The following MEIS2 variants were observed in gnomAD, a reference collection of about 807,000 sequenced individuals.
The protein encoded by MEIS2 is homeobox protein Meis2.
A neutral mutation model predicts 58.6 loss-of-function variants in MEIS2; 9 were observed. That is an observed-to-expected ratio of 0.15 (90% CI 0.09 to 0.27). MEIS2 has a LOEUF of 0.27. MEIS2 is among the 10% of genes least tolerant of loss of function. MEIS2 has a pLI of 1.00. For missense variants in MEIS2, 427 were observed against 635.0 expected, an observed-to-expected ratio of 0.67 and a Z score of 3.52; for synonymous variants, 221 against 228.4, an observed-to-expected ratio of 0.97 and a Z score of 0.29.
intron 8 of MEIS2, among the ~76,000 whole-genome samples, chr15:37,006,277 C>G (rs186847452): frequency 1.3e-5 from 2 of 152,282 alleles, no homozygotes; most frequent in Admixed American, 6.5e-5. Context: ...AGATAATTAG[C>G]TATAAATAAT....
intron 9 of MEIS2, among the ~76,000 whole-genome samples, chr15:36,948,154 T>C (rs1198304759): frequency 2.0e-5 from 3 of 151,928 alleles, no homozygotes; most frequent in Non-Finnish European, 1.5e-5. Context: ...TGGAATTATT[T>C]TGTAGAGACA....
chr15:36,959,768 A>T (rs2141424596), intron 8 of MEIS2, among the ~76,000 whole-genome samples: 1 of 152,332 alleles, frequency 6.6e-6, no homozygotes, highest in Middle Eastern at 3.4e-3. Context: ...ATGGAAAAGA[A>T]ATAAATGCAT....
chr15:37,037,022 C>A, intron 7 of MEIS2, 63 bp from the exon 8 acceptor site: 1 of 1,488,560 alleles, frequency 6.7e-7, no homozygotes. Context: ...ACAAGTGCAG[C>A]TAATGATGAG....
At chr15:36,952,615 G>C (rs376006250) in intron 8 of MEIS2, among the ~76,000 whole-genome samples, 52,735 of 146,866 alleles carry the variant, frequency 0.36, 10,058 homozygotes, top group Admixed American at 0.47. Flanking sequence ...CTCTGTGTGT[G>C]TGTGTGTGTG....
intron 9 of MEIS2, among the ~76,000 whole-genome samples, chr15:36,934,481 A>G (rs1384964254): frequency 2.0e-5 from 3 of 152,226 alleles, no homozygotes; most frequent in African/African-American, 7.2e-5. Flanking sequence ...TTGGTGTACT[A>G]GCCTCTAGAA....
intron 9 of MEIS2, among the ~76,000 whole-genome samples, chr15:36,927,377 A>G (rs1351948049): frequency 6.6e-6 from 1 of 152,178 alleles, no homozygotes; most frequent in Non-Finnish European, 1.5e-5. Context: ...ACCTGGAAAA[A>G]AGGCAAGAAT....
intron 7 of MEIS2, among the ~76,000 whole-genome samples, chr15:37,040,428 T>TA (rs1225219346): frequency 6.6e-6 from 1 of 152,152 alleles, no homozygotes; most frequent in Non-Finnish European, 1.5e-5. Context: ...GCACACACTA[T>TA]ATACCTAAAG....
intron 8 of MEIS2, among the ~76,000 whole-genome samples, chr15:37,025,992 C>G (rs1236180810): frequency 2.0e-5 from 3 of 151,944 alleles, no homozygotes; most frequent in Non-Finnish European, 4.4e-5. Flanking sequence ...AACAGAAAAA[C>G]TGAGCCTATA....
At chr15:37,045,767 T>C (rs7162097) in intron 7 of MEIS2, among the ~76,000 whole-genome samples, 147,109 of 152,216 alleles carry the variant, frequency 0.97, 71,273 homozygotes, top group East Asian at 1. Context: ...TTTCAAGTGA[T>C]TAGTTCATGG....
chr15:36,979,184 G>T (rs1478834500), intron 8 of MEIS2, among the ~76,000 whole-genome samples: 1 of 151,988 alleles, frequency 6.6e-6, no homozygotes, highest in African/African-American at 2.4e-5. Context: ...ATTTTGTTTT[G>T]TACATAAAAT....
chr15:36,985,765 A>T (rs2060073930), intron 8 of MEIS2, among the ~76,000 whole-genome samples: 1 of 152,184 alleles, frequency 6.6e-6, no homozygotes, highest in African/African-American at 2.4e-5. Context: ...GGAAAATGAT[A>T]ATCTCTCAAA....
At chr15:37,008,590 A>C (rs1314345838) in intron 8 of MEIS2, among the ~76,000 whole-genome samples, 1 of 152,220 alleles carries the variant, frequency 6.6e-6, no homozygotes, top group Non-Finnish European at 1.5e-5. Flanking sequence ...TCTTTAGATA[A>C]AGACTTTCAC....
At chr15:37,037,468 C>T (rs2062206329) in intron 7 of MEIS2, among the ~76,000 whole-genome samples, 1 of 152,092 alleles carries the variant, frequency 6.6e-6, no homozygotes, top group African/African-American at 2.4e-5. Context: ...GCACACTTCT[C>T]ATATGACCCT....
chr15:37,011,404 A>C (rs1208215321), intron 8 of MEIS2, among the ~76,000 whole-genome samples: 3 of 152,182 alleles, frequency 2.0e-5, no homozygotes, highest in Admixed American at 2.0e-4. Context: ...CAAAATAGAA[A>C]AATGAAGTTC....
chr15:36,891,854 C>A lies in MEIS2; in HGVS notation c.*319G>T. On this transcript the variant is annotated 3_prime_UTR_variant, in exon 12 of 12. Coordinates refer to ENST00000561208, the MANE Select transcript of MEIS2 (RefSeq NM_170675.5). ...ATATATTTTTTTTTCTCTTCTAAAA[C>A]TATTTGAGGCAACATAACGGCGTGA... 1 of 354,600 alleles carries A rather than the reference C, an allele frequency of 2.8e-6. No individual in the cohort carries two copies. The highest frequency in any genetic ancestry group is 5.1e-6 in the Non-Finnish European group (1 of 196,324). 22.0% of individuals were successfully genotyped at this position (354,600 alleles called of 1,614,324 possible). A position where few individuals can be genotyped will look rare whatever the true frequency, so the allele number is the denominator to read the frequency against.
intron 7 of MEIS2, among the ~76,000 whole-genome samples, chr15:37,046,581 G>A (rs1020403141): frequency 7.9e-5 from 12 of 152,138 alleles, no homozygotes; most frequent in African/African-American, 2.9e-4. Context: ...TTAGGCTTTA[G>A]CTGGCAATGT....
intron 6 of MEIS2, 36 bp from the exon 7 acceptor site, chr15:37,083,921 A>G (rs1445497334): frequency 6.3e-7 from 1 of 1,581,256 alleles, no homozygotes; most frequent in Admixed American, 1.7e-5. Context: ...TTCCACAGTT[A>G]CCATTTCAGC....
At chr15:37,018,126 C>T (rs950651789) in intron 8 of MEIS2, among the ~76,000 whole-genome samples, 5 of 152,172 alleles carry the variant, frequency 3.3e-5, no homozygotes, top group Non-Finnish European at 4.4e-5. Flanking sequence ...TTGTGCAAGA[C>T]AGCTCAGCTA....
intron 6 of MEIS2, among the ~76,000 whole-genome samples, chr15:37,086,289 C>G (rs1430032391): frequency 6.6e-6 from 1 of 152,202 alleles, no homozygotes; most frequent in African/African-American, 2.4e-5. Context: ...GAAGGGATCA[C>G]TCAGAAGGAC....
Sources: gnomAD v4.1 joint callset for allele counts (sites outside exome capture counted in the v4.1 genomes callset) on GRCh38, gnomAD v4.1.1 for gene constraint, MANE v1.5 for transcripts, NCBI Gene and HGNC (gene_info 2026-07-23, HGNC 2026-07-21) for gene names.